Variants in CLIP3 observed in about 807,000 individuals in gnomAD.
CLIP3 encodes CAP-Gly domain containing linker protein 3.
A neutral mutation model predicts 59.4 loss-of-function variants in CLIP3; 15 were observed. The observed-to-expected ratio is 0.25, with a 90% confidence interval of 0.17 to 0.39. The LOEUF (loss-of-function observed/expected upper bound fraction) is 0.39, where lower values mean the gene tolerates loss of function less well. CLIP3 is among the 10% of genes least tolerant of loss of function. CLIP3 has a pLI of 1.00. For missense variants in CLIP3, 495 were observed against 765.7 expected, an observed-to-expected ratio of 0.65 and a Z score of 4.17; for synonymous variants, 300 against 321.6, an observed-to-expected ratio of 0.93 and a Z score of 0.72.
chr19:36,024,185 T>C (rs1969029530), intron 7 of CLIP3, among the ~76,000 whole-genome samples: 1 of 152,066 alleles, frequency 6.6e-6, no homozygotes, highest in African/African-American at 2.4e-5. Context: ...ACGGGTTGTT[T>C]CCCACCCTGG....
chr19:36,022,613 G>A (rs1253428795), intron 7 of CLIP3, among the ~76,000 whole-genome samples: 3 of 152,292 alleles, frequency 2.0e-5, no homozygotes, highest in African/African-American at 7.2e-5. Context: ...TGATTAGATC[G>A]TGCACAGCAG....
At position 36,027,233 on chromosome 19, in the gene CLIP3, C is replaced by T. The variant is rs750999064; in HGVS notation, c.205G>A (p.Glu69Lys). ...FFDPNDPACQ[E>K]ILFDPQTTIP... The stretch of plus-strand genomic sequence containing the variant: ...GTGGTCTGAGGGTCAAACAGGATCT[C>T]CTGGCACGCCGGGTCATTGGGATCG... Residue 69 changes from glutamate to lysine, a missense_variant, in exon 3 of 14, where the codon GAG (glutamate) becomes AAG (lysine). Transcript: ENST00000360535. 7.4e-6 allele frequency: 12 copies of T among 1,612,800 alleles called. No homozygotes were observed. The highest frequency in any genetic ancestry group is 1.0e-5 in the Non-Finnish European group (12 of 1,179,430).
At chr19:36,031,546 G>A (rs368838605) in intron 2 of CLIP3, among the ~76,000 whole-genome samples, 2 of 152,138 alleles carry the variant, frequency 1.3e-5, no homozygotes, top group East Asian at 3.9e-4. Flanking sequence ...CCAAGAGGCC[G>A]CCCTCTCAGC....
In CLIP3 at chr19:36,016,203, G is replaced by A; in HGVS notation, c.1599C>T (p.Phe533=). ...TCAGCATCCAGGGGAACCAGCAGCA[G>A]AACAGCAACCTGGAAAGGAGGATGA... is the stretch of plus-strand genomic sequence containing the variant. ...ASENSISRLL[F]CCWFPWMLRA... Residue 533 remains phenylalanine, a synonymous_variant, in exon 14 of 14, where the codon TTC becomes TTT. Coordinates refer to ENST00000360535, the MANE Select transcript of CLIP3 (RefSeq NM_015526.3). The surrounding 1 kb of genome is among the most constrained non-coding windows in gnomAD (Gnocchi z 4.1). 6.2e-7 allele frequency: 1 copy of A among 1,614,078 alleles called. No individual in the cohort carries two copies. Among genetic ancestry groups the A allele is most frequent in the Non-Finnish European group, 8.5e-7 (1 of 1,179,964 alleles).
rs1422490084 is a variant in CLIP3, at chr19:36,018,989, C to T, written c.1092G>A (p.Val364=). Residue 364 remains valine, a synonymous_variant, in exon 9 of 14, where the codon GTG becomes GTA. Transcript: ENST00000360535. ...FASVSKISKA[V]DAPPSSVTST... The stretch of plus-strand genomic sequence containing the variant: ...AGGTGACAGAGGAGGGGGGTGCGTC[C>T]ACTGCCTTGGAGATCTTGGACACGG... The T allele has an allele frequency of 1.9e-6, 3 of 1,601,850 alleles. No individual in the cohort carries two copies. Among genetic ancestry groups the T allele is most frequent in the Admixed American group, 1.7e-5 (1 of 58,508 alleles).
chr19:36,028,072 C>T (rs1010397916), intron 2 of CLIP3, among the ~76,000 whole-genome samples: 2 of 152,096 alleles, frequency 1.3e-5, no homozygotes, highest in Non-Finnish European at 2.9e-5. Context: ...CGCGGTGGCT[C>T]ACGCCTGTAA....
intron 2 of CLIP3, among the ~76,000 whole-genome samples, chr19:36,029,177 G>A (rs1969192909): frequency 6.6e-6 from 1 of 151,320 alleles, no homozygotes; most frequent in African/African-American, 2.4e-5. Flanking sequence ...AAAATTAACT[G>A]GGCGTGGTGG....
chr19:36,027,234 C>T lies in CLIP3; in HGVS notation c.204G>A (p.Gln68=). Residue 68 remains glutamine, a synonymous_variant, in exon 3 of 14, where the codon CAG becomes CAA. Transcript: ENST00000360535. ...TGGTCTGAGGGTCAAACAGGATCTCCTGGCACGCCGGGTCATTGGGATCGA... is the reference window on the plus strand; with the variant it reads ...TGGTCTGAGGGTCAAACAGGATCTCTTGGCACGCCGGGTCATTGGGATCGA... ...TFFDPNDPAC[Q]EILFDPQTTI... 1 of 1,612,754 alleles carries T rather than the reference C, an allele frequency of 6.2e-7. No homozygotes were observed. Among genetic ancestry groups the T allele is most frequent in the Non-Finnish European group, 8.5e-7 (1 of 1,179,416 alleles).
In CLIP3 at chr19:36,015,594, G is replaced by A. The variant is rs1043377288; in HGVS notation, c.*564C>T. 2 of 162,460 alleles carry A rather than the reference G, an allele frequency of 1.2e-5. No individual in the cohort carries two copies. Among genetic ancestry groups the A allele is most frequent in the African/African-American group, 4.8e-5 (2 of 41,576 alleles). The allele number at this position is 162,460 out of a possible 1,614,324, so 10.1% of individuals were successfully genotyped here. A position where few individuals can be genotyped will look rare whatever the true frequency, so the allele number is the denominator to read the frequency against. ...TTCTTCTTGAGGGATAAGAACAAGG[G>A]TCTTTGTTAATGAAGGAAGTCTCTG... On this transcript the variant is annotated 3_prime_UTR_variant, in exon 14 of 14. Coordinates refer to ENST00000360535, the MANE Select transcript of CLIP3 (RefSeq NM_015526.3).
chr19:36,026,647 G>A lies in CLIP3; in HGVS notation c.501C>T (p.Tyr167=), dbSNP rs756766674. The A allele has an allele frequency of 1.9e-6, 3 of 1,613,408 alleles. 1 individual carries two copies. The highest frequency in any genetic ancestry group is 2.2e-5 in the South Asian group (2 of 91,040). Residue 167 remains tyrosine (Y), a synonymous_variant, in exon 5 of 14, where the codon TAC becomes TAT. Coordinates refer to ENST00000360535, the MANE Select transcript of CLIP3 (RefSeq NM_015526.3). The surrounding 1 kb of genome is among the most constrained non-coding windows in gnomAD (Gnocchi z 6.3). ...SRWTNMNALH[Y]AAYFDVPDLV... ...GGTCGGGCACATCAAAATAGGCCGC[G>A]TAGTGAAGCGCGTTCATGTTGGTCC...
At position 36,024,647 on chromosome 19, in the gene CLIP3, G is replaced by A; in HGVS notation, c.682-15C>T. The A allele has an allele frequency of 3.1e-6, 5 of 1,612,642 alleles. No homozygotes were observed. Among genetic ancestry groups the A allele is most frequent in the Non-Finnish European group, 4.2e-6 (5 of 1,178,956 alleles). On this transcript the variant is annotated splice_polypyrimidine_tract_variant and intron_variant, in intron 6 of 13. Transcript: ENST00000360535. The stretch of plus-strand genomic sequence containing the variant: ...CCTTTTCGATTCTGGGGGCCAATGG[G>A]AAAAGAAGGCAGGGACTCAGTGGCA...
At chr19:36,017,595 C>A in intron 11 of CLIP3, 60 bp downstream of exon 11, 1 of 1,609,750 alleles carries the variant, frequency 6.2e-7, no homozygotes, top group Non-Finnish European at 8.5e-7. Flanking sequence ...AGGAGGCCAT[C>A]TGAGGGGGGA....
chr19:36,024,091 C>G (rs1165133294), intron 7 of CLIP3, among the ~76,000 whole-genome samples: 1 of 152,200 alleles, frequency 6.6e-6, no homozygotes, highest in African/African-American at 2.4e-5. Context: ...CGGGGGGAGC[C>G]ACAGGTGCAC....
In CLIP3 at chr19:36,019,047, C is replaced by T. The variant is rs1209503200; in HGVS notation, c.1055-21G>A. On this transcript the variant is annotated intron_variant, in intron 8 of 13. Transcript: ENST00000360535. The stretch of plus-strand genomic sequence containing the variant: ...GAGACCTAGGGGTACAGAATCCGAG[C>T]CTGGTGTTGTCCAAGCCTCTGCCCT... The T allele has an allele frequency of 1.6e-5, 25 of 1,582,666 alleles. No homozygotes were observed. In the Admixed American group the frequency reaches 3.4e-4, roughly 22 times the overall value.
At chr19:36,019,666 G>A (rs552971436) in intron 7 of CLIP3, among the ~76,000 whole-genome samples, 4 of 150,470 alleles carry the variant, frequency 2.7e-5, no homozygotes, top group East Asian at 4.0e-4. Flanking sequence ...GCAGTGGCAC[G>A]ATCTCGGCTC....
At position 36,024,436 on chromosome 19, in the gene CLIP3, C is replaced by T; in HGVS notation, c.878G>A (p.Gly293Asp). The T allele has an allele frequency of 6.2e-7, 1 of 1,614,188 alleles. No individual in the cohort carries two copies. Among genetic ancestry groups the T allele is most frequent in the Non-Finnish European group, 8.5e-7 (1 of 1,180,048 alleles). Residue 293 changes from glycine (G) to aspartate (D), a missense_variant, in exon 7 of 14, where the codon GGC (glycine) becomes GAC (aspartate). By Grantham distance (94) the Gly-to-Asp change is moderately conservative. Around this residue, in one of 5 missense-constraint regions of CLIP3, gnomAD observed 194 missense variants for 327.8 expected, o/e 0.59. Transcript: ENST00000360535. ...CAGCACGCGGTCTCCCAGGCGCAAGCCCAGTGCGCTAAGCATGAGATTGCC... is the reference window on the plus strand; with the variant it reads ...CAGCACGCGGTCTCCCAGGCGCAAGTCCAGTGCGCTAAGCATGAGATTGCC... ...VPGNLMLSAL[G>D]LRLGDRVLLD...
rs1286604944 is a variant in CLIP3 at position 36,024,392 on chromosome 19, T to C, written c.918+4A>G. 7.0e-6 allele frequency: 8 copies of C among 1,144,134 alleles called. No individual in the cohort carries two copies. The highest frequency in any genetic ancestry group is 1.0e-5 in the Non-Finnish European group (8 of 782,948). 70.9% of individuals were successfully genotyped at this position (1,144,134 alleles called of 1,614,324 possible). A position where few individuals can be genotyped will look rare whatever the true frequency, so the allele number is the denominator to read the frequency against. On this transcript the variant is annotated splice_donor_region_variant and intron_variant, in intron 7 of 13. Coordinates refer to ENST00000360535, the MANE Select transcript of CLIP3 (RefSeq NM_015526.3). The stretch of plus-strand genomic sequence containing the variant: ...CCATGCAAACACACATCCCAGCCCC[T>C]GACCTTCTGGCCATCCAGCAGCACG...
At chr19:36,022,261 ACT>A (rs1456347313) in intron 7 of CLIP3, among the ~76,000 whole-genome samples, 2 of 151,982 alleles carry the variant, frequency 1.3e-5, no homozygotes, top group African/African-American at 2.4e-5. Context: ...TATGCGCTGG[ACT>A]CTGTTCTAAT....
chr19:36,030,234 G>A (rs974680206), intron 2 of CLIP3, among the ~76,000 whole-genome samples: 3 of 152,012 alleles, frequency 2.0e-5, no homozygotes, highest in Admixed American at 6.6e-5. Context: ...TAAATTTTCT[G>A]TACAGATGGG....
Sources: gnomAD v4.1 joint callset for allele counts (sites outside exome capture counted in the v4.1 genomes callset) on GRCh38, gnomAD v4.1.1 for gene constraint, gnomAD v4.1.1 regional missense constraint, Gnocchi (gnomAD v3.1) non-coding constraint, MANE v1.5 for transcripts, NCBI Gene and HGNC (gene_info 2026-07-23, HGNC 2026-07-21) for gene names.